Variants in MAP3K15 observed in about 807,000 individuals in gnomAD.
The protein encoded by MAP3K15 is MAPK/ERK kinase kinase 15.
MAP3K15 carries 124 observed loss-of-function variants against 99.5 expected under a neutral mutation model. The ratio of observed to expected loss-of-function variants is 1.25; its 90% CI spans 1.08 to 1.45. The LOEUF is 1.45. Among genes scored for constraint, MAP3K15 ranks in the 40% most tolerant of loss-of-function variants. The probability of loss-of-function intolerance (pLI) is 0.00; values close to 1 mark genes in which losing one functional copy is unlikely to be tolerated. For synonymous variants in MAP3K15, 494 were observed against 439.6 expected (o/e 1.12, Z -1.55); for missense variants, 1,242 against 1,079.7 (o/e 1.15, Z -2.11).
chrX:19,396,330 A>T (rs1199104717), intron 15 of MAP3K15, among the ~76,000 whole-genome samples: 1 of 112,054 alleles, frequency 8.9e-6, no homozygotes, highest in Non-Finnish European at 1.9e-5. Flanking sequence ...AAATCCCAGG[A>T]ACTACTGATC....
At chrX:19,437,233 C>T (rs1369997035) in intron 6 of MAP3K15, among the ~76,000 whole-genome samples, 1 of 111,632 alleles carries the variant, frequency 9.0e-6, no homozygotes, top group African/African-American at 3.3e-5. Flanking sequence ...TCCACACTTA[C>T]CTCTCTACTA....
chrX:19,387,488 G>A (rs2063500664), intron 18 of MAP3K15, among the ~76,000 whole-genome samples: 1 of 111,734 alleles, frequency 8.9e-6, no homozygotes, highest in Non-Finnish European at 1.9e-5. Context: ...CTGGGCTCAA[G>A]TGATTCTCTC....
chrX:19,413,642 G>T (rs1251397433), intron 10 of MAP3K15, among the ~76,000 whole-genome samples, 178 bp from the exon 11 acceptor site: 2 of 83,087 alleles, frequency 2.4e-5, no homozygotes, highest in Non-Finnish European at 4.4e-5. Flanking sequence ...CTTGAGCCCA[G>T]GAGTTCAAGG....
chrX:19,372,493 T>C lies in MAP3K15; in HGVS notation c.3108+160A>G, dbSNP rs148144687. Among the ~76,000 whole-genome samples, 442 of 112,368 alleles carry C rather than the reference T, an allele frequency of 3.9e-3. 2 individuals carry two copies. The highest frequency in any genetic ancestry group is 0.012 in the African/African-American group (364 of 30,969). The stretch of plus-strand genomic sequence containing the variant: ...TTTCTTTGTATTTTCTTTTGTTTTG[T>C]TGGGGAAGGGAAGGACGTTAGGGAA... On this transcript the variant is annotated intron_variant, in intron 22 of 28. Coordinates refer to ENST00000338883, the MANE Select transcript of MAP3K15 (RefSeq NM_001001671.4).
intron 18 of MAP3K15, among the ~76,000 whole-genome samples, chrX:19,389,916 T>C (rs912460460): frequency 1.1e-4 from 12 of 112,197 alleles, no homozygotes; most frequent in Middle Eastern, 4.6e-3. Flanking sequence ...TATACACACA[T>C]TGACAGATGT....
chrX:19,501,981 G>A (rs774987089), intron 1 of MAP3K15, among the ~76,000 whole-genome samples: 9 of 112,352 alleles, frequency 8.0e-5, no homozygotes, highest in Admixed American at 4.7e-4. Context: ...CAGGTGAATC[G>A]TTTGAACCTG....
chrX:19,476,869 A>T (rs773773771), intron 3 of MAP3K15, among the ~76,000 whole-genome samples: 1 of 111,730 alleles, frequency 9.0e-6, no homozygotes, highest in Non-Finnish European at 1.9e-5. Flanking sequence ...AAATCTCAAA[A>T]GTCACCTCAT....
At chrX:19,508,305 G>A (rs1011861208) in intron 1 of MAP3K15, among the ~76,000 whole-genome samples, 2 of 111,048 alleles carry the variant, frequency 1.8e-5, no homozygotes, top group Admixed American at 9.6e-5. Flanking sequence ...CTGAGTAGCT[G>A]AGACTACAGG....
intron 11 of MAP3K15, 42 bp downstream of exon 11, chrX:19,413,315 A>G: frequency 9.5e-7 from 1 of 1,051,497 alleles, no homozygotes; most frequent in Non-Finnish European, 1.3e-6. Flanking sequence ...AGACTCTCCT[A>G]TTTGAAAACT....
chrX:19,512,881 T>C lies in MAP3K15; in HGVS notation c.361+2020A>G, dbSNP rs116538851. Among the ~76,000 whole-genome samples, 715 of 111,294 alleles carry C rather than the reference T, an allele frequency of 6.4e-3. 7 individuals are homozygous for C. Among genetic ancestry groups the C allele is most frequent in the South Asian group, 0.029 (76 of 2,663 alleles). ...GCTACCAAATTGGACAGAGTGGTTT[T>C]AGAATTTTTACAAAGAAGCCAAAGT... On this transcript the variant is annotated intron_variant, in intron 1 of 28. Coordinates refer to ENST00000338883, the MANE Select transcript of MAP3K15 (RefSeq NM_001001671.4).
At chrX:19,458,705 T>C (rs190950867) in intron 5 of MAP3K15, among the ~76,000 whole-genome samples, 197 of 110,476 alleles carry the variant, frequency 1.8e-3, no homozygotes, top group Non-Finnish European at 2.9e-3. Context: ...AAATAAAAAT[T>C]TGAAAAACAG....
In MAP3K15 at chrX:19,360,665, G is replaced by A; in HGVS notation, c.*84C>T. On this transcript the variant is annotated 3_prime_UTR_variant, in exon 29 of 29. Coordinates refer to ENST00000338883, the MANE Select transcript of MAP3K15 (RefSeq NM_001001671.4). ...TGGCATTTTTAAATATGTAAACACAGCGGAATTCGTGTATACACTAACAGA... is the reference window on the plus strand; with the variant it reads ...TGGCATTTTTAAATATGTAAACACAACGGAATTCGTGTATACACTAACAGA... The A allele has an allele frequency of 2.8e-6, 2 of 704,388 alleles. No homozygotes were observed. Among genetic ancestry groups the A allele is most frequent in the South Asian group, 4.7e-5 (2 of 42,413 alleles). 58.0% of individuals were successfully genotyped at this position (704,388 alleles called of 1,213,427 possible). A position where few individuals can be genotyped will look rare whatever the true frequency, so the allele number is the denominator to read the frequency against.
At chrX:19,371,130 C>T (rs1390037059) in intron 23 of MAP3K15, 66 bp from the exon 24 acceptor site, 28 of 882,407 alleles carry the variant, frequency 3.2e-5, no homozygotes, top group Middle Eastern at 4.2e-4. Context: ...GTGCATTGCA[C>T]GGAGAATCAC....
chrX:19,388,825 C>G (rs142870765), intron 18 of MAP3K15, among the ~76,000 whole-genome samples: 3,810 of 111,861 alleles, frequency 0.034, 187 homozygotes, highest in African/African-American at 0.12. Flanking sequence ...CATGTTCACA[C>G]ACGCTTTGTA....
At chrX:19,478,737 T>A (rs1004804212) in intron 3 of MAP3K15, among the ~76,000 whole-genome samples, 3 of 90,913 alleles carry the variant, frequency 3.3e-5, no homozygotes, top group South Asian at 6.1e-4. Flanking sequence ...ATTAGTTTTT[T>A]AATAACGTGT....
intron 1 of MAP3K15, among the ~76,000 whole-genome samples, chrX:19,505,113 C>T (rs2064467079): frequency 1.8e-5 from 2 of 110,440 alleles, no homozygotes; most frequent in African/African-American, 6.6e-5. Context: ...ACTGATGAAA[C>T]CATGAAGGAA....
At chrX:19,477,226 C>T (rs2064248976) in intron 3 of MAP3K15, among the ~76,000 whole-genome samples, 1 of 110,430 alleles carries the variant, frequency 9.1e-6, no homozygotes, top group Non-Finnish European at 1.9e-5. Context: ...CTGACATTAC[C>T]CCTCTGATAT....
intron 7 of MAP3K15, among the ~76,000 whole-genome samples, chrX:19,427,984 T>A (rs1430621610): frequency 9.0e-6 from 1 of 111,093 alleles, no homozygotes; most frequent in African/African-American, 3.3e-5. Flanking sequence ...CTGTTTTATT[T>A]TCTTCTACTA....
chrX:19,432,713 C>T (rs2063892388), intron 6 of MAP3K15, among the ~76,000 whole-genome samples: 1 of 108,249 alleles, frequency 9.2e-6, no homozygotes, highest in Admixed American at 9.9e-5. Flanking sequence ...TTTGTAAGTG[C>T]CCTTAACCTT....
Sources: allele counts gnomAD v4.1 joint callset (sites outside exome capture counted in the v4.1 genomes callset), GRCh38; gene constraint gnomAD v4.1.1; transcripts MANE v1.5; gene names NCBI Gene and HGNC (gene_info 2026-07-23, HGNC 2026-07-21).